The following INSR variants were observed in gnomAD, a reference collection of about 807,000 sequenced individuals.
INSR encodes insulin receptor, also known as IR.
In INSR, 67 loss-of-function variants were observed where a neutral mutation model predicts 142.6. The ratio of observed to expected loss-of-function variants is 0.47; its 90% CI spans 0.39 to 0.58. The LOEUF (loss-of-function observed/expected upper bound fraction) is 0.58, where lower values mean the gene tolerates loss of function less well. Among genes scored for constraint, INSR ranks in the 20% least tolerant of loss-of-function variants. The pLI, the probability that INSR is intolerant of heterozygous loss-of-function variation, is 0.00. For synonymous variants in INSR, 756 were observed against 743.1 expected, an observed-to-expected ratio of 1.02 and a Z score of -0.28; for missense variants, 1,248 against 1,833.2, an observed-to-expected ratio of 0.68 and a Z score of 5.83.
Position 7,116,910 on chromosome 19 carries a change from T to C in INSR, c.*146A>G. ...AAATTGGTAACCAAACGAGTCCACC[T>C]TAAGATGAACAGAAATGTATAGGAA... is the stretch of plus-strand genomic sequence containing the variant. On this transcript the variant is annotated 3_prime_UTR_variant, in exon 22 of 22. Transcript: ENST00000302850. The C allele has an allele frequency of 1.4e-6, 1 of 739,942 alleles. No individual in the cohort carries two copies. The highest frequency in any genetic ancestry group is 2.4e-6 in the Non-Finnish European group (1 of 413,300). The allele number at this position is 739,942 out of a possible 1,614,324, so 45.8% of individuals were successfully genotyped here. A position where few individuals can be genotyped will look rare whatever the true frequency, so the allele number is the denominator to read the frequency against.
At chr19:7,122,484 C>CAAA (rs141692149) in intron 19 of INSR, 130 bp downstream of exon 19, 3 of 838,516 alleles carry the variant, frequency 3.6e-6, no homozygotes, top group Non-Finnish European at 5.4e-6. Context: ...AAAAACCCCA[C>CAAA]AAAAAAAAAA....
At chr19:7,136,795 A>C (rs1383952471) in intron 13 of INSR, among the ~76,000 whole-genome samples, 4 of 149,234 alleles carry the variant, frequency 2.7e-5, no homozygotes, top group African/African-American at 1.0e-4. Context: ...TGATCAAGAA[A>C]AAAAGTGATG....
chr19:7,262,364 C>A (rs372914816), intron 2 of INSR, among the ~76,000 whole-genome samples: 4 of 152,070 alleles, frequency 2.6e-5, no homozygotes, highest in African/African-American at 7.2e-5. Flanking sequence ...CCGAGCCACG[C>A]GGGAGGCTGA....
intron 2 of INSR, 26 bp from the exon 3 acceptor site, chr19:7,184,663 G>GGAGAT (rs1555746888): frequency 1.1e-6 from 1 of 945,658 alleles, no homozygotes; most frequent in African/African-American, 1.9e-5. Flanking sequence ...GAGAGAGAGG[G>GGAGAT]AAATAAATAA....
At chr19:7,263,512 G>C (rs1426023385) in intron 2 of INSR, among the ~76,000 whole-genome samples, 1 of 152,040 alleles carries the variant, frequency 6.6e-6, no homozygotes, top group African/African-American at 2.4e-5. Flanking sequence ...ACCTTCTCCG[G>C]GTAACAAAAC....
chr19:7,120,585 C>A (rs959845205), intron 20 of INSR, 35 bp downstream of exon 20: 2 of 1,613,112 alleles, frequency 1.2e-6, no homozygotes, highest in East Asian at 2.2e-5. Flanking sequence ...GGAATTCAAG[C>A]CCAGCGTCCA....
At chr19:7,170,131 G>A (rs188488337) in intron 6 of INSR, among the ~76,000 whole-genome samples, 2 of 152,236 alleles carry the variant, frequency 1.3e-5, no homozygotes, top group East Asian at 1.9e-4. Flanking sequence ...ACTCCCCATC[G>A]CTTGCATGAC....
intron 17 of INSR, among the ~76,000 whole-genome samples, chr19:7,124,756 A>C (rs1972605238): frequency 6.7e-6 from 1 of 149,774 alleles, no homozygotes; most frequent in South Asian, 2.1e-4. Context: ...ATGCCCCATA[A>C]ATATGTGTGG....
intron 2 of INSR, among the ~76,000 whole-genome samples, chr19:7,228,021 G>T (rs190459402): frequency 6.6e-6 from 1 of 151,778 alleles, no homozygotes; most frequent in Non-Finnish European, 1.5e-5. Context: ...CCAAATCTAG[G>T]GCCTCTCTCA....
chr19:7,141,348 C>G, intron 13 of INSR, among the ~76,000 whole-genome samples: 1 of 152,160 alleles, frequency 6.6e-6, no homozygotes, highest in Non-Finnish European at 1.5e-5. Context: ...AGCCACTGTA[C>G]CCAGCAATTT....
intron 6 of INSR, among the ~76,000 whole-genome samples, chr19:7,169,532 C>T (rs3848574): frequency 0.28 from 40,904 of 146,754 alleles, 7,750 homozygotes; most frequent in African/African-American, 0.54. Flanking sequence ...GGCAAGATCA[C>T]GCCACTGCAC....
Position 7,148,477 on chromosome 19 carries a change from C to CTTTTTTTTTT in INSR, c.2267+2010_2267+2019dup, listed in dbSNP as rs71177160. ...TTATTATTAGTATTATGTATTTATT[C>CTTTTTTTTTT]TTTTTTTTTTTTTTTTTTGAGACAG... On this transcript the variant is annotated intron_variant, in intron 11 of 21. Transcript: ENST00000302850. Among the ~76,000 whole-genome samples the CTTTTTTTTTT allele has an allele frequency of 5.3e-3, 503 of 95,048 alleles. 45 individuals are homozygous for CTTTTTTTTTT. Among genetic ancestry groups the CTTTTTTTTTT allele is most frequent in the African/African-American group, 1.0e-2 (220 of 22,102 alleles). 62.4% of individuals were successfully genotyped at this position (95,048 alleles called of 152,430 possible). A position where few individuals can be genotyped will look rare whatever the true frequency, so the allele number is the denominator to read the frequency against.
Position 7,113,676 on chromosome 19 carries a change from A to G in INSR, c.*3380T>C, listed in dbSNP as rs1253396509. The G allele has an allele frequency of 6.6e-6, 1 of 152,230 alleles. No individual in the cohort carries two copies. Among genetic ancestry groups the G allele is most frequent in the East Asian group, 1.9e-4 (1 of 5,202 alleles). 9.4% of individuals were successfully genotyped at this position (152,230 alleles called of 1,614,324 possible). ...TTTGTTGTTGTTGTTGCAACTTAAC[A>G]CTACAAACTCCCAGGACAACCGTGT... On this transcript the variant is annotated 3_prime_UTR_variant, in exon 22 of 22. Transcript: ENST00000302850.
intron 2 of INSR, among the ~76,000 whole-genome samples, chr19:7,207,213 C>T (rs1975127929): frequency 6.6e-6 from 1 of 151,770 alleles, no homozygotes; most frequent in African/African-American, 2.4e-5. Flanking sequence ...GTCGGGAGTT[C>T]GAGACCAGCC....
At chr19:7,255,008 C>T (rs1453827442) in intron 2 of INSR, among the ~76,000 whole-genome samples, 1 of 151,980 alleles carries the variant, frequency 6.6e-6, no homozygotes, top group Non-Finnish European at 1.5e-5. Flanking sequence ...CCTCAGCCTC[C>T]CCCGGCCCCC....
intron 2 of INSR, among the ~76,000 whole-genome samples, chr19:7,231,153 C>G (rs1362031815): frequency 6.6e-6 from 1 of 152,202 alleles, no homozygotes; most frequent in Non-Finnish European, 1.5e-5. Flanking sequence ...ACGGAGGAAA[C>G]TGGAAAGGAG....
intron 8 of INSR, among the ~76,000 whole-genome samples, chr19:7,163,726 A>G (rs926912116): frequency 6.6e-6 from 1 of 151,804 alleles, no homozygotes; most frequent in Non-Finnish European, 1.5e-5. Flanking sequence ...TGGTGTCACT[A>G]AAAGATACAG....
rs1043233741 is a variant in INSR at position 7,268,710 on chromosome 19, C to A, written c.101-814G>T. ...AGTGCCTGAGACATAGTAAGTGCTG[C>A]ACTAATGTCAGCTATTTTGTTGTTT... On this transcript the variant is annotated intron_variant, in intron 1 of 21. Coordinates refer to ENST00000302850, the MANE Select transcript of INSR (RefSeq NM_000208.4). 6.1e-6 allele frequency: 3 copies of A among 493,406 alleles called. No individual in the cohort carries two copies. In the African/African-American group the frequency reaches 6.3e-5, roughly 10 times the overall value. The allele number at this position is 493,406 out of a possible 1,614,324, so 30.6% of individuals were successfully genotyped here.
intron 2 of INSR, among the ~76,000 whole-genome samples, chr19:7,208,059 C>A (rs1404848055): frequency 2.6e-5 from 4 of 152,008 alleles, no homozygotes; most frequent in Non-Finnish European, 5.9e-5. Context: ...GCCCTTGTAC[C>A]CCCCAGAAAA....
Sources: gnomAD v4.1 joint callset for allele counts (sites outside exome capture counted in the v4.1 genomes callset) on GRCh38, gnomAD v4.1.1 for gene constraint, MANE v1.5 for transcripts, NCBI Gene and HGNC (gene_info 2026-07-23, HGNC 2026-07-21) for gene names.